ANKRA2: variants seen among roughly 807,000 people sequenced by gnomAD.
ANKRA2 encodes the protein ankyrin repeat family A protein 2.
A neutral mutation model predicts 37.8 loss-of-function variants in ANKRA2; 33 were observed. The observed-to-expected ratio is 0.87, with a 90% CI of 0.66 to 1.17. ANKRA2 has a LOEUF of 1.17. ANKRA2 is among the 50% of genes most tolerant of loss of function. The probability of loss-of-function intolerance (pLI) is 0.00; values close to 1 mark genes in which losing one functional copy is unlikely to be tolerated. For synonymous variants in ANKRA2, 126 were observed against 132.3 expected (o/e 0.95, Z 0.33); for missense variants, 326 against 373.7 (o/e 0.87, Z 1.05).
At chr5:73,557,949 T>C (rs703877) in intron 3 of ANKRA2, among the ~76,000 whole-genome samples, 98,673 of 151,772 alleles carry the variant, frequency 0.65, 32,856 homozygotes, top group East Asian at 0.83. Flanking sequence ...TGGTGGCATG[T>C]GCCTGTAATC....
chr5:73,561,427 C>T, intron 2 of ANKRA2, 139 bp from the exon 3 acceptor site: 1 of 791,636 alleles, frequency 1.3e-6, no homozygotes, highest in Non-Finnish European at 1.9e-6. Context: ...TTGTTTTTAT[C>T]ATTAAAGTCC....
chr5:73,563,511 T>C (rs1487762548), intron 1 of ANKRA2, among the ~76,000 whole-genome samples: 1 of 152,234 alleles, frequency 6.6e-6, no homozygotes, highest in East Asian at 1.9e-4. Context: ...GGCATTGTCA[T>C]CTATAACACC....
chr5:73,556,636 A>G (rs931809612), intron 4 of ANKRA2, among the ~76,000 whole-genome samples: 2 of 152,214 alleles, frequency 1.3e-5, no homozygotes, highest in African/African-American at 4.8e-5. Flanking sequence ...TTTATGACTT[A>G]CAGATGTTAT....
intron 2 of ANKRA2, chr5:73,562,377 C>G: frequency 2.3e-6 from 1 of 428,714 alleles, no homozygotes; most frequent in South Asian, 3.9e-5. Flanking sequence ...AAATATTAAA[C>G]AAGAAGTTTT....
intron 4 of ANKRA2, among the ~76,000 whole-genome samples, chr5:73,555,797 T>C (rs1482596966): frequency 6.6e-6 from 1 of 152,226 alleles, no homozygotes; most frequent in Non-Finnish European, 1.5e-5. Context: ...CGGGTTCAGA[T>C]AGCATATTAC....
intron 3 of ANKRA2, 47 bp from the exon 4 acceptor site, chr5:73,557,687 C>T (rs763837067): frequency 1.3e-5 from 17 of 1,353,056 alleles, no homozygotes; most frequent in Non-Finnish European, 1.6e-5. Flanking sequence ...ATAGGGTACA[C>T]TTGCATCATC....
intron 3 of ANKRA2, among the ~76,000 whole-genome samples, chr5:73,557,926 A>T (rs1219956907): frequency 6.6e-6 from 1 of 152,006 alleles, no homozygotes; most frequent in African/African-American, 2.4e-5. Flanking sequence ...AAAATACAAA[A>T]ATTAGCTGGG....
intron 4 of ANKRA2, among the ~76,000 whole-genome samples, chr5:73,556,591 A>G (rs1747402262): frequency 1.3e-5 from 2 of 152,208 alleles, no homozygotes; most frequent in South Asian, 4.1e-4. Flanking sequence ...TCTAAGCAAG[A>G]TATACAATCC....
rs1747302397 is a variant in ANKRA2 at position 73,553,388 on chromosome 5, G to C, written c.886+18C>G. ...AGAGCTTTACTAAGATGAGACACAG[G>C]AGTTCTAACATACTTACCACTTCTA... On this transcript the variant is annotated intron_variant, in intron 8 of 8. Transcript: ENST00000296785. The C allele has an allele frequency of 6.3e-7, 1 of 1,575,732 alleles. No homozygotes were observed. The highest frequency in any genetic ancestry group is 1.4e-5 in the African/African-American group (1 of 73,964).
In ANKRA2 at chr5:73,552,645, TA is replaced by T. The variant is rs1747283901; in HGVS notation, c.*151del. 1.6e-6 allele frequency: 1 copy of T among 634,552 alleles called. No homozygotes were observed. The highest frequency in any genetic ancestry group is 1.9e-5 in the African/African-American group (1 of 52,592). The allele number at this position is 634,552 out of a possible 1,614,324, so 39.3% of individuals were successfully genotyped here. On this transcript the variant is annotated 3_prime_UTR_variant, in exon 9 of 9. Coordinates refer to ENST00000296785, the MANE Select transcript of ANKRA2 (RefSeq NM_023039.5). ...TATAAAAAGAGTATTACATTTATTA[TA>T]AACCAGTGAATTACTCAGAGAAATA...
chr5:73,560,638 G>A (rs750069564), intron 3 of ANKRA2, among the ~76,000 whole-genome samples: 6 of 152,032 alleles, frequency 3.9e-5, no homozygotes, highest in Admixed American at 2.0e-4. Context: ...CACCAGCCTC[G>A]GACTCCCAAA....
chr5:73,556,878 A>C (rs1178873811), intron 4 of ANKRA2, among the ~76,000 whole-genome samples: 1 of 151,800 alleles, frequency 6.6e-6, no homozygotes, highest in Non-Finnish European at 1.5e-5. Flanking sequence ...AAAATTTGGA[A>C]TCTGCTAATA....
At position 73,562,895 on chromosome 5, in the gene ANKRA2, GTTTCAAT is replaced by G. The variant is rs1282224713; in HGVS notation, c.-21_-15del. The G allele has an allele frequency of 5.1e-6, 8 of 1,578,768 alleles. No homozygotes were observed. The highest frequency in any genetic ancestry group is 1.4e-5 in the African/African-American group (1 of 73,766). On this transcript the variant is annotated 5_prime_UTR_variant, in exon 2 of 9. The change abolishes the stop of an existing upstream ORF in the 5' untranslated region. Transcript: ENST00000296785. ...TGATGTATCCATGATTTCAACTGTA[GTTTCAAT>G]AACTAAAACATTTCTTCATGATTTC... is the stretch of plus-strand genomic sequence containing the variant.
At chr5:73,563,654 T>C (rs1253209142) in intron 1 of ANKRA2, among the ~76,000 whole-genome samples, 1 of 152,202 alleles carries the variant, frequency 6.6e-6, no homozygotes, top group Non-Finnish European at 1.5e-5. Flanking sequence ...GTAGGTAGAT[T>C]ATGGATTGGC....
At chr5:73,559,168 G>GGTGGGGT in intron 3 of ANKRA2, among the ~76,000 whole-genome samples, 1 of 152,178 alleles carries the variant, frequency 6.6e-6, no homozygotes, top group South Asian at 2.1e-4. Context: ...GAGTCCTACA[G>GGTGGGGT]GAAGATTCTT....
intron 3 of ANKRA2, among the ~76,000 whole-genome samples, chr5:73,558,709 A>G (rs1747465793): frequency 6.6e-6 from 1 of 152,048 alleles, no homozygotes; most frequent in Non-Finnish European, 1.5e-5. Context: ...GATAATTTTC[A>G]TATTTTTTGT....
In ANKRA2 at chr5:73,562,455, T is replaced by C. The variant is rs1747582429; in HGVS notation, c.289+138A>G. On this transcript the variant is annotated intron_variant, in intron 2 of 8. Coordinates refer to ENST00000296785, the MANE Select transcript of ANKRA2 (RefSeq NM_023039.5). ...AATCTGAAATTATTTTAATTTTGGT[T>C]TCTATGAGATTCCAGAAAATCATAT... is the stretch of plus-strand genomic sequence containing the variant. The C allele has an allele frequency of 5.5e-6, 4 of 729,188 alleles. No individual in the cohort carries two copies. In the South Asian group the frequency reaches 8.0e-5, roughly 15 times the overall value. 45.2% of individuals were successfully genotyped at this position (729,188 alleles called of 1,614,324 possible).
chr5:73,553,516 G>A (rs778862833), intron 7 of ANKRA2, 30 bp from the exon 8 acceptor site: 1 of 1,549,184 alleles, frequency 6.5e-7, no homozygotes, highest in Non-Finnish European at 8.9e-7. Context: ...CTACATAAAT[G>A]AAATGAAAAT....
In ANKRA2 at chr5:73,562,706, C is replaced by A; in HGVS notation, c.176G>T (p.Arg59Leu). The part of the protein sequence containing the change: ...AMGMKFILPN[R>L]FDMNVCSRFV... ...TCGAGAACACACATTCATATCAAAT[C>A]GGTTAGGCAATATGAATTTCATTCC... Residue 59 changes from arginine (R) to leucine (L), a missense_variant, in exon 2 of 9, where the codon CGA becomes CTA. This residue lies in a region of ANKRA2 where 93 missense variants were observed against 91.1 expected (regional missense o/e 1.02). Coordinates refer to ENST00000296785, the MANE Select transcript of ANKRA2 (RefSeq NM_023039.5). The A allele has an allele frequency of 6.2e-7, 1 of 1,614,142 alleles. No homozygotes were observed. The highest frequency in any genetic ancestry group is 1.1e-5 in the South Asian group (1 of 91,090).
Sources: allele counts gnomAD v4.1 joint callset (sites outside exome capture counted in the v4.1 genomes callset), GRCh38; gene constraint gnomAD v4.1.1; regional missense constraint gnomAD v4.1.1; transcripts MANE v1.5; gene names NCBI Gene and HGNC (gene_info 2026-07-23, HGNC 2026-07-21).